Variants in ABCG1 observed in about 807,000 individuals in gnomAD.
ABCG1 encodes ATP-binding cassette sub-family G member 1.
Under a neutral mutation model 69.2 loss-of-function variants are expected in ABCG1, and 29 were observed. That is an observed-to-expected ratio of 0.42 (90% CI 0.31 to 0.57). The LOEUF (loss-of-function observed/expected upper bound fraction) is 0.57. Ranked by LOEUF, ABCG1 falls within the 20% of genes least tolerant of loss-of-function variation. ABCG1 has a pLI of 0.15. For missense variants in ABCG1, 718 were observed against 898.1 expected, an observed-to-expected ratio of 0.80 and a Z score of 2.56; for synonymous variants, 370 against 374.8, an observed-to-expected ratio of 0.99 and a Z score of 0.15.
At chr21:42,200,457 G>T (rs1161472023) in intron 1 of ABCG1, among the ~76,000 whole-genome samples, 1 of 152,128 alleles carries the variant, frequency 6.6e-6, no homozygotes, top group Non-Finnish European at 1.5e-5. Flanking sequence ...ACCTTTTTAC[G>T]TGCAGTCTTC....
At chr21:42,272,704 G>C (rs76132752) in intron 3 of ABCG1, among the ~76,000 whole-genome samples, 3,762 of 152,336 alleles carry the variant, frequency 0.025, 174 homozygotes, top group African/African-American at 0.086. Context: ...CAGTGAATGA[G>C]TGTGCCTGGT....
chr21:42,288,073 G>A lies in ABCG1; in HGVS notation c.1122+36G>A. 6.2e-7 allele frequency: 1 copy of A among 1,604,484 alleles called. No homozygotes were observed. The highest frequency in any genetic ancestry group is 8.5e-7 in the Non-Finnish European group (1 of 1,172,636). Reference sequence around the variant, plus strand: ...CAAAACGATTAAAGGGGTTGAGAAAGGTAATGCAAATCCCGAAGCCCCCTG... The same window carrying A: ...CAAAACGATTAAAGGGGTTGAGAAAAGTAATGCAAATCCCGAAGCCCCCTG... On this transcript the variant is annotated intron_variant, in intron 9 of 14. Coordinates refer to ENST00000398449, the MANE Select transcript of ABCG1 (RefSeq NM_016818.3). The surrounding 1 kb of genome is among the most constrained non-coding windows in gnomAD (Gnocchi z 4.8).
intron 1 of ABCG1, among the ~76,000 whole-genome samples, chr21:42,224,697 A>G (rs1422055024): frequency 1.3e-5 from 2 of 152,158 alleles, no homozygotes; most frequent in East Asian, 3.8e-4. Context: ...CTCGATTTGG[A>G]AGACAGCAAG....
chr21:42,293,141 T>C (rs1382756557), intron 13 of ABCG1, among the ~76,000 whole-genome samples: 23 of 81,538 alleles, frequency 2.8e-4, no homozygotes, highest in African/African-American at 1.1e-3. Flanking sequence ...CACTACACAC[T>C]ACACACCACA....
At chr21:42,213,979 C>T (rs1569202060), upstream of ABCG1, among the ~76,000 whole-genome samples, 1 of 152,154 alleles carries the variant, frequency 6.6e-6, no homozygotes, top group Non-Finnish European at 1.5e-5. Context: ...GGGCTTTAGA[C>T]TTTTTATTTG....
chr21:42,258,423 C>G (rs948170431), intron 2 of ABCG1, among the ~76,000 whole-genome samples: 8 of 149,708 alleles, frequency 5.3e-5, no homozygotes, highest in Non-Finnish European at 1.2e-4. Flanking sequence ...CCATATCCCC[C>G]CCATCCCTCC....
At chr21:42,286,017 C>T (rs373916489) in intron 8 of ABCG1, 23 bp downstream of exon 8, 82 of 1,531,168 alleles carry the variant, frequency 5.4e-5, no homozygotes, top group South Asian at 3.6e-4. Flanking sequence ...CTGAGCAGCT[C>T]GGGGGACAGA....
intron 2 of ABCG1, among the ~76,000 whole-genome samples, chr21:42,228,926 A>T (rs1032191094): frequency 2.6e-5 from 4 of 152,248 alleles, no homozygotes; most frequent in African/African-American, 9.6e-5. Flanking sequence ...AACAGTGCGC[A>T]TTAAATGCGG....
At position 42,296,419 on chromosome 21, in the gene ABCG1, G is replaced by A; in HGVS notation, c.*27G>A. 1 of 1,596,202 alleles carries A rather than the reference G, an allele frequency of 6.3e-7. No homozygotes were observed. Among genetic ancestry groups the A allele is most frequent in the Non-Finnish European group, 8.6e-7 (1 of 1,168,576 alleles). ...ACACCTGAATGCCAGGAAACAGGAAGATTAGACACTGTGGCCGAGGGCACG... is the reference window on the plus strand; with the variant it reads ...ACACCTGAATGCCAGGAAACAGGAAAATTAGACACTGTGGCCGAGGGCACG... On this transcript the variant is annotated 3_prime_UTR_variant, in exon 15 of 15. Coordinates refer to ENST00000398449, the MANE Select transcript of ABCG1 (RefSeq NM_016818.3). The surrounding 1 kb of genome is among the most constrained non-coding windows in gnomAD (Gnocchi z 5.4).
intron 2 of ABCG1, 49 bp from the exon 3 acceptor site, chr21:42,271,021 C>T (rs757443901): frequency 7.9e-7 from 1 of 1,262,754 alleles, no homozygotes; most frequent in South Asian, 1.8e-5. Context: ...ATATTTACTG[C>T]ATTAGAGATA....
At position 42,273,662 on chromosome 21, in the gene ABCG1, T is replaced by C. The variant is rs1354957792; in HGVS notation, c.537+227T>C. Among the ~76,000 whole-genome samples the C allele has an allele frequency of 6.6e-6, 1 of 152,128 alleles. No homozygotes were observed. Among genetic ancestry groups the C allele is most frequent in the Non-Finnish European group, 1.5e-5 (1 of 68,036 alleles). The stretch of plus-strand genomic sequence containing the variant: ...CCAAGACTGTGAGTTTAATGGACCT[T>C]GTTTGGCAGGGTTGGGGTCAAGTTT... On this transcript the variant is annotated intron_variant, in intron 4 of 14. Transcript: ENST00000398449. The surrounding 1 kb of genome is among the most constrained non-coding windows in gnomAD (Gnocchi z 5.3).
At chr21:42,203,885 T>C (rs2067524340) in intron 2 of ABCG1, among the ~76,000 whole-genome samples, 2 of 152,244 alleles carry the variant, frequency 1.3e-5, no homozygotes, top group Admixed American at 6.5e-5. Context: ...TAAACAGTAT[T>C]TCTCTCCTTT....
chr21:42,250,817 G>A (rs1475893003), intron 2 of ABCG1, among the ~76,000 whole-genome samples: 2 of 152,194 alleles, frequency 1.3e-5, no homozygotes, highest in African/African-American at 4.8e-5. Context: ...TGTGCTGCTG[G>A]CATGGAGGCA....
chr21:42,202,715 G>A lies in ABCG1; in HGVS notation c.48+992G>A, dbSNP rs111459874. On this transcript the variant is annotated intron_variant, in intron 2 of 15. Transcript: ENST00000398457. ...CAACCTCTGCCTCCCAGGCTCAAGC[G>A]ATCCTCCCACCTCAGCCACCTGAGT... Among the ~76,000 whole-genome samples the A allele has an allele frequency of 4.5e-4, 68 of 151,916 alleles. 1 individual carries two copies. The East Asian group carries it at 0.011, about 25-fold the overall frequency.
At chr21:42,256,673 C>G in intron 2 of ABCG1, 1 of 1,448,940 alleles carries the variant, frequency 6.9e-7, no homozygotes. Context: ...TTCTGCTCCT[C>G]CCAGAGACTG....
At chr21:42,250,104 G>A (rs899049223) in intron 2 of ABCG1, among the ~76,000 whole-genome samples, 2 of 152,002 alleles carry the variant, frequency 1.3e-5, no homozygotes, top group Non-Finnish European at 2.9e-5. Context: ...CACATATGGG[G>A]GTGCAGGGGG....
intron 1 of ABCG1, chr21:42,221,285 G>A (rs948143836): frequency 6.6e-6 from 1 of 152,144 alleles, no homozygotes; most frequent in African/African-American, 2.4e-5. Flanking sequence ...GGGCTGTAGG[G>A]TTAAAAGAAA....
chr21:42,296,844 G>T lies in ABCG1; in HGVS notation c.*452G>T, dbSNP rs1019319388. 5 of 176,410 alleles carry T rather than the reference G, an allele frequency of 2.8e-5. No individual in the cohort carries two copies. Among genetic ancestry groups the T allele is most frequent in the Admixed American group, 2.7e-4 (5 of 18,582 alleles). 10.9% of individuals were successfully genotyped at this position (176,410 alleles called of 1,614,324 possible). On this transcript the variant is annotated 3_prime_UTR_variant, in exon 15 of 15. Coordinates refer to ENST00000398449, the MANE Select transcript of ABCG1 (RefSeq NM_016818.3). This position sits in a 1 kb window ranked among gnomAD's most constrained non-coding sequence, Gnocchi z 5.4. The stretch of plus-strand genomic sequence containing the variant: ...CGAGCATGGAGCGATTCCATTTTAT[G>T]ACTGTTGTTTTTCACATTTTCATCT...
chr21:42,258,055 A>C (rs965389206), intron 2 of ABCG1, among the ~76,000 whole-genome samples: 63 of 24,302 alleles, frequency 2.6e-3, no homozygotes, highest in African/African-American at 5.5e-3. Flanking sequence ...CTCATCCCTC[A>C]ACTCACCTCT....
Sources: allele counts gnomAD v4.1 joint callset (sites outside exome capture counted in the v4.1 genomes callset), GRCh38; gene constraint gnomAD v4.1.1; non-coding constraint Gnocchi (gnomAD v3.1); transcripts MANE v1.5; gene names NCBI Gene and HGNC (gene_info 2026-07-23, HGNC 2026-07-21).